Variants in BAAT observed in about 807,000 individuals in gnomAD.
BAAT encodes the protein bile acid CoA: amino acid N-acyltransferase (glycine N-choloyltransferase).
A neutral mutation model predicts 18.9 loss-of-function variants in BAAT; 13 were observed. That is an observed-to-expected ratio of 0.69 (90% confidence interval 0.45 to 1.10). BAAT has a LOEUF of 1.10. Among genes scored for constraint, BAAT ranks in the 50% least tolerant of loss-of-function variants. The pLI, the probability that BAAT is intolerant of heterozygous loss-of-function variation, is 0.00. For missense variants in BAAT, 489 were observed against 504.0 expected (o/e 0.97, Z 0.28); for synonymous variants, 170 against 190.7 (o/e 0.89, Z 0.89).
chr9:101,362,306 A>T lies in BAAT; in HGVS notation c.*122T>A. 1 of 1,082,626 alleles carries T rather than the reference A, an allele frequency of 9.2e-7. No homozygotes were observed. Among genetic ancestry groups the T allele is most frequent in the Non-Finnish European group, 1.3e-6 (1 of 741,454 alleles). The allele number at this position is 1,082,626 out of a possible 1,614,324, so 67.1% of individuals were successfully genotyped here. On this transcript the variant is annotated 3_prime_UTR_variant, in exon 4 of 4. Transcript: ENST00000259407. ...CAGGTTTTTACCCTATGCTCTTTTT[A>T]ATCATTAAAATTAATACAAAATGTG... is the stretch of plus-strand genomic sequence containing the variant.
chr9:101,376,859 T>C (rs1178462808), intron 1 of BAAT, among the ~76,000 whole-genome samples: 2 of 152,164 alleles, frequency 1.3e-5, no homozygotes, highest in East Asian at 3.8e-4. Flanking sequence ...TAGAAAGCAA[T>C]TTTGTAAGAG....
At chr9:101,372,256 C>A (rs148235132) in intron 1 of BAAT, among the ~76,000 whole-genome samples, 81 of 149,116 alleles carry the variant, frequency 5.4e-4, no homozygotes, top group Middle Eastern at 3.5e-3. Context: ...ACCTATGTAA[C>A]AATCCTGCAC....
chr9:101,362,246 T>A lies in BAAT; in HGVS notation c.*182A>T, dbSNP rs1314602740. 4.7e-6 allele frequency: 3 copies of A among 644,982 alleles called. No individual in the cohort carries two copies. The highest frequency in any genetic ancestry group is 8.0e-6 in the Non-Finnish European group (3 of 374,370). 40.0% of individuals were successfully genotyped at this position (644,982 alleles called of 1,614,324 possible). A position where few individuals can be genotyped will look rare whatever the true frequency, so the allele number is the denominator to read the frequency against. ...TTTATGATTTATTCACCATGTCCAG[T>A]TTGGTTAGCTTGTTATGCAGTATAA... On this transcript the variant is annotated 3_prime_UTR_variant, in exon 4 of 4. Coordinates refer to ENST00000259407, the MANE Select transcript of BAAT (RefSeq NM_001701.4).
chr9:101,377,925 AT>A (rs1830073790), intron 1 of BAAT, among the ~76,000 whole-genome samples: 1 of 152,178 alleles, frequency 6.6e-6, no homozygotes, highest in African/African-American at 2.4e-5. Flanking sequence ...TACAAAATCA[AT>A]GTGCAAAAAT....
intron 3 of BAAT, among the ~76,000 whole-genome samples, chr9:101,366,350 G>A (rs985690117): frequency 2.6e-5 from 4 of 152,122 alleles, no homozygotes; most frequent in African/African-American, 9.7e-5. Context: ...CAAAATTTGG[G>A]ATCAGGAAAT....
intron 1 of BAAT, among the ~76,000 whole-genome samples, chr9:101,379,424 T>TA (rs1182443325): frequency 6.6e-6 from 1 of 152,336 alleles, no homozygotes; most frequent in African/African-American, 2.4e-5. Context: ...CTCAAGGCTT[T>TA]AAAAAAATCT....
intron 1 of BAAT, chr9:101,375,590 T>TC (rs1830026009): frequency 6.0e-6 from 1 of 167,088 alleles, no homozygotes; most frequent in South Asian, 1.6e-4. Context: ...TCCAGGATTG[T>TC]CCAAAGATAG....
At chr9:101,376,912 T>G (rs1830057548) in intron 1 of BAAT, among the ~76,000 whole-genome samples, 1 of 152,216 alleles carries the variant, frequency 6.6e-6, no homozygotes, top group Non-Finnish European at 1.5e-5. Context: ...TTTGAAACTG[T>G]GAAAAGCTAT....
Position 101,362,624 on chromosome 9 carries a change from A to C in BAAT, c.1061T>G (p.Leu354Arg). ...LKRHGKNNWT[L>R]LSYPGAGHLI... ...GTGGCCTGCCCCAGGGTAAGATAGCAGGGTCCAGTTGTTCTTCCCATGTCT... is the reference window on the plus strand; with the variant it reads ...GTGGCCTGCCCCAGGGTAAGATAGCCGGGTCCAGTTGTTCTTCCCATGTCT... Residue 354 changes from leucine (L) to arginine (R), a missense_variant, in exon 4 of 4, where the codon CTG becomes CGG. By Grantham distance (102) the Leu-to-Arg change is moderately radical. Transcript: ENST00000259407. 6.2e-7 allele frequency: 1 copy of C among 1,614,158 alleles called. No homozygotes were observed. Among genetic ancestry groups the C allele is most frequent in the South Asian group, 1.1e-5 (1 of 91,086 alleles).
intron 1 of BAAT, among the ~76,000 whole-genome samples, chr9:101,372,271 A>G (rs540720101): frequency 7.2e-6 from 1 of 138,378 alleles, no homozygotes; most frequent in East Asian, 2.1e-4. Flanking sequence ...CTGCACATAT[A>G]CCCCCGATCC....
At chr9:101,363,945 G>T (rs1438092153) in intron 3 of BAAT, among the ~76,000 whole-genome samples, 1 of 152,090 alleles carries the variant, frequency 6.6e-6, no homozygotes, top group Non-Finnish European at 1.5e-5. Context: ...GGAGTTCAAG[G>T]CTTTAGTGAG....
At chr9:101,379,492 A>G (rs1830098247) in intron 1 of BAAT, among the ~76,000 whole-genome samples, 1 of 152,226 alleles carries the variant, frequency 6.6e-6, no homozygotes, top group African/African-American at 2.4e-5. Flanking sequence ...TATATGGCCA[A>G]TCACTATTCT....
intron 3 of BAAT, 76 bp from the exon 4 acceptor site, chr9:101,363,091 A>C (rs1365256187): frequency 2.9e-6 from 4 of 1,373,586 alleles, no homozygotes; most frequent in Non-Finnish European, 4.1e-6. Flanking sequence ...ACAACCAAAG[A>C]ACTTCACTGG....
chr9:101,362,322 A>G lies in BAAT; in HGVS notation c.*106T>C, dbSNP rs959422340. The G allele has an allele frequency of 9.7e-5, 116 of 1,191,416 alleles. 1 individual carries two copies. The East Asian group carries it at 1.8e-3, about 18-fold the overall frequency. 73.8% of individuals were successfully genotyped at this position (1,191,416 alleles called of 1,614,324 possible). ...GCTCTTTTTAATCATTAAAATTAATACAAAATGTGTGTGTGGCAGCTGGGG... is the reference window on the plus strand; with the variant it reads ...GCTCTTTTTAATCATTAAAATTAATGCAAAATGTGTGTGTGGCAGCTGGGG... On this transcript the variant is annotated 3_prime_UTR_variant, in exon 4 of 4. Transcript: ENST00000259407.
intron 3 of BAAT, among the ~76,000 whole-genome samples, chr9:101,363,836 A>G (rs1829780048): frequency 6.6e-6 from 1 of 152,204 alleles, no homozygotes; most frequent in Non-Finnish European, 1.5e-5. Flanking sequence ...TAACATAGTG[A>G]GACCCTATCT....
In BAAT at chr9:101,362,557, C is replaced by T. The variant is rs202090808; in HGVS notation, c.1128G>A (p.Thr376=). ...PPYSPLCCAS[T]THDLRLHWGG... ...CCCAGTGTAACCTCAAATCGTGGGT[C>T]GTTGAGGCACAGCACAGAGGAGAAT... is the stretch of plus-strand genomic sequence containing the variant. The change falls in exon 4 of 4, where the codon ACG becomes ACA. Residue 376 remains threonine, a synonymous_variant. Coordinates refer to ENST00000259407, the MANE Select transcript of BAAT (RefSeq NM_001701.4). 9.3e-6 allele frequency: 15 copies of T among 1,614,068 alleles called. No homozygotes were observed. The East Asian group carries it at 2.0e-4, about 22-fold the overall frequency.
At chr9:101,367,713 C>T (rs1223310926) in intron 3 of BAAT, among the ~76,000 whole-genome samples, 3 of 152,158 alleles carry the variant, frequency 2.0e-5, no homozygotes, top group South Asian at 2.1e-4. Flanking sequence ...CTTGAACTGT[C>T]GGCCTCTATT....
Position 101,378,913 on chromosome 9 carries a change from G to A in BAAT, c.-60+5942C>T, listed in dbSNP as rs538854180. ...AAACAAACTGCCTCATCAAAAAGTG[G>A]GTGAAGGATATAAACAGACACTTCT... On this transcript the variant is annotated intron_variant, in intron 1 of 3. Transcript: ENST00000259407. 7.9e-5 allele frequency among the ~76,000 whole-genome samples: 12 copies of A among 152,250 alleles called. No individual in the cohort carries two copies. In the South Asian group the frequency reaches 2.1e-3, roughly 26 times the overall value.
Position 101,368,179 on chromosome 9 carries a change from C to G in BAAT, c.610G>C (p.Glu204Gln), listed in dbSNP as rs753575333. The change falls in exon 3 of 4, where the codon GAA becomes CAA. Residue 204 changes from glutamate (E) to glutamine (Q), a missense_variant. Coordinates refer to ENST00000259407, the MANE Select transcript of BAAT (RefSeq NM_001701.4). ...HNYEDLPRKP[E>Q]VTDLEYFEEA... Reference sequence around the variant, plus strand: ...TCAAAATATTCCAAATCTGTTACTTCTGGTTTGCGGGGCAGGTCTTCATAG... The same window carrying G: ...TCAAAATATTCCAAATCTGTTACTTGTGGTTTGCGGGGCAGGTCTTCATAG... 14 of 1,611,284 alleles carry G rather than the reference C, an allele frequency of 8.7e-6. No individual in the cohort carries two copies. Among genetic ancestry groups the G allele is most frequent in the Admixed American group, 1.7e-5 (1 of 59,900 alleles).
Sources: allele counts gnomAD v4.1 joint callset (sites outside exome capture counted in the v4.1 genomes callset), GRCh38; gene constraint gnomAD v4.1.1; transcripts MANE v1.5; gene names NCBI Gene and HGNC (gene_info 2026-07-23, HGNC 2026-07-21).